Variants in GABBR2 observed in about 807,000 individuals in gnomAD.
GABBR2 encodes G-protein coupled receptor 51.
Under a neutral mutation model 105.6 loss-of-function variants are expected in GABBR2, and 23 were observed. The observed-to-expected ratio is 0.22, with a 90% CI of 0.16 to 0.31. The LOEUF (loss-of-function observed/expected upper bound fraction) is 0.31, where lower values mean the gene tolerates loss of function less well. Ranked by LOEUF, GABBR2 falls within the 10% of genes least tolerant of loss-of-function variation. The pLI is 1.00. For synonymous variants in GABBR2, 478 were observed against 499.7 expected (o/e 0.96, Z 0.58); for missense variants, 734 against 1,245.5 (o/e 0.59, Z 6.18).
chr9:98,344,421 A>G (rs1014667680), intron 13 of GABBR2, among the ~76,000 whole-genome samples: 3 of 152,226 alleles, frequency 2.0e-5, no homozygotes, highest in Non-Finnish European at 2.9e-5. Flanking sequence ...AAATGCAGAA[A>G]CAGCCAATCT....
chr9:98,380,543 C>T (rs1831954495), intron 11 of GABBR2, among the ~76,000 whole-genome samples: 1 of 152,268 alleles, frequency 6.6e-6, no homozygotes, highest in Non-Finnish European at 1.5e-5. Context: ...GCCCTGGCCA[C>T]GCCCAGCACT....
chr9:98,666,522 G>A (rs1483894067), intron 1 of GABBR2, among the ~76,000 whole-genome samples: 1 of 152,222 alleles, frequency 6.6e-6, no homozygotes, highest in Non-Finnish European at 1.5e-5. Flanking sequence ...CACTTGAAAT[G>A]TGGTTAGTAT....
rs75545181 is a variant in GABBR2 at position 98,691,197 on chromosome 9, T to C, written c.321+17220A>G. On this transcript the variant is annotated intron_variant, in intron 1 of 18. Transcript: ENST00000259455. ...TGATGTCAAACAAGGATGGGTCCCA[T>C]TCCCATTCAGTGTTATCAGGCATCC... 8.7e-3 allele frequency among the ~76,000 whole-genome samples: 1,327 copies of C among 152,288 alleles called. 17 individuals are homozygous for C. The highest frequency in any genetic ancestry group is 0.03 in the African/African-American group (1,252 of 41,562).
chr9:98,676,634 A>G (rs1323002016), intron 1 of GABBR2, among the ~76,000 whole-genome samples: 1 of 152,182 alleles, frequency 6.6e-6, no homozygotes, highest in East Asian at 1.9e-4. Flanking sequence ...CTAAAACACA[A>G]ATGTGGCAGG....
At chr9:98,565,200 A>T (rs1564116061) in intron 2 of GABBR2, among the ~76,000 whole-genome samples, 1 of 152,200 alleles carries the variant, frequency 6.6e-6, no homozygotes, top group Non-Finnish European at 1.5e-5. Flanking sequence ...CTACACCTGG[A>T]AAGCTCTGGC....
At chr9:98,701,618 C>T (rs1262250177) in intron 1 of GABBR2, among the ~76,000 whole-genome samples, 12 of 152,134 alleles carry the variant, frequency 7.9e-5, no homozygotes, top group Non-Finnish European at 2.9e-5. Context: ...GCTCATTAAG[C>T]TCCATAAGGC....
intron 13 of GABBR2, among the ~76,000 whole-genome samples, chr9:98,345,879 C>A (rs961432015): frequency 2.6e-5 from 4 of 152,218 alleles, no homozygotes; most frequent in African/African-American, 9.7e-5. Context: ...GTGAGCCACA[C>A]AAATTTTTGG....
At chr9:98,590,728 A>G (rs1452298728) in intron 1 of GABBR2, among the ~76,000 whole-genome samples, 5 of 152,178 alleles carry the variant, frequency 3.3e-5, no homozygotes, top group Non-Finnish European at 7.3e-5. Context: ...ACTCCTTTCC[A>G]TTCCACATTT....
At position 98,708,450 on chromosome 9, in the gene GABBR2, G is replaced by T; in HGVS notation, c.288C>A (p.Pro96=). Residue 96 remains proline, a synonymous_variant, in exon 1 of 19, where the codon CCC becomes CCA. Coordinates refer to ENST00000259455, the MANE Select transcript of GABBR2 (RefSeq NM_005458.8). ...CATAGAGCCGCAGGTCGAGGAAGTA[G>T]GGGCGCAGGAGTGACTCGTTGCGGA... ...EQIRNESLLR[P]YFLDLRLYDT... 6.4e-7 allele frequency: 1 copy of T among 1,553,082 alleles called. No homozygotes were observed.
intron 1 of GABBR2, among the ~76,000 whole-genome samples, chr9:98,587,880 CAAAT>C (rs1308287861): frequency 1.3e-5 from 2 of 152,048 alleles, no homozygotes; most frequent in Non-Finnish European, 2.9e-5. Context: ...CTGTTATATG[CAAAT>C]AAATAAAATT....
rs1826289557 is a variant in GABBR2 at position 98,454,388 on chromosome 9, C to A, written c.1000-171G>T. On this transcript the variant is annotated intron_variant, in intron 6 of 18. Transcript: ENST00000259455. The surrounding 1 kb of genome is among the most constrained non-coding windows in gnomAD (Gnocchi z 4.6). ...TCACAACAACCTCATAAGGTGGGTA[C>A]TGTTATTGTCCCCATTTTACAGACC... Among the ~76,000 whole-genome samples the A allele has an allele frequency of 6.6e-6, 1 of 152,122 alleles. No individual in the cohort carries two copies. Among genetic ancestry groups the A allele is most frequent in the African/African-American group, 2.4e-5 (1 of 41,418 alleles).
chr9:98,686,303 T>A (rs1588283271), intron 1 of GABBR2, among the ~76,000 whole-genome samples: 1 of 152,214 alleles, frequency 6.6e-6, no homozygotes, highest in African/African-American at 2.4e-5. Flanking sequence ...GGCTCGCCAC[T>A]GGTCCACGCT....
intron 3 of GABBR2, among the ~76,000 whole-genome samples, chr9:98,536,453 C>T (rs918210069): frequency 2.6e-5 from 4 of 152,120 alleles, no homozygotes; most frequent in Admixed American, 2.0e-4. Context: ...GTTGGGTAGA[C>T]CATAAGACTT....
rs116446699 is a variant in GABBR2 at position 98,302,470 on chromosome 9, A to G, written c.2412+771T>C. On this transcript the variant is annotated intron_variant, in intron 16 of 18. Coordinates refer to ENST00000259455, the MANE Select transcript of GABBR2 (RefSeq NM_005458.8). Reference sequence around the variant, plus strand: ...AACCGGGCCCTCTCTTTTCACGGCCATTAGGTAAAAGGGAAATAAACATAT... The same window carrying G: ...AACCGGGCCCTCTCTTTTCACGGCCGTTAGGTAAAAGGGAAATAAACATAT... Among the ~76,000 whole-genome samples the G allele has an allele frequency of 6.4e-3, 976 of 152,326 alleles. 7 individuals are homozygous for G. Among genetic ancestry groups the G allele is most frequent in the African/African-American group, 0.019 (803 of 41,576 alleles).
At chr9:98,477,791 T>C (rs1044105219) in intron 5 of GABBR2, among the ~76,000 whole-genome samples, 1 of 152,206 alleles carries the variant, frequency 6.6e-6, no homozygotes, top group African/African-American at 2.4e-5. Flanking sequence ...TTTACAACAA[T>C]AATAGTAATA....
intron 13 of GABBR2, among the ~76,000 whole-genome samples, chr9:98,321,233 T>G (rs750201672): frequency 6.6e-6 from 1 of 152,110 alleles, no homozygotes; most frequent in Non-Finnish European, 1.5e-5. Context: ...GGTCACCCGA[T>G]TTTTGTTGAA....
intron 3 of GABBR2, among the ~76,000 whole-genome samples, chr9:98,508,622 C>T (rs866171162): frequency 3.3e-5 from 5 of 152,214 alleles, no homozygotes; most frequent in Middle Eastern, 3.2e-3. Flanking sequence ...TTATATCCCG[C>T]GCATGGCTCG....
At chr9:98,431,175 C>G (rs1222170384) in intron 7 of GABBR2, among the ~76,000 whole-genome samples, 2 of 152,102 alleles carry the variant, frequency 1.3e-5, no homozygotes, top group Non-Finnish European at 2.9e-5. Context: ...GTGGCCTTCT[C>G]TGGCCAGCCT....
At chr9:98,669,124 T>C (rs1830375329) in intron 1 of GABBR2, among the ~76,000 whole-genome samples, 1 of 152,240 alleles carries the variant, frequency 6.6e-6, no homozygotes, top group African/African-American at 2.4e-5. Flanking sequence ...AACTGCCATA[T>C]TGTTTTCCAT....
Sources: gnomAD v4.1 joint callset for allele counts (sites outside exome capture counted in the v4.1 genomes callset) on GRCh38, gnomAD v4.1.1 for gene constraint, Gnocchi (gnomAD v3.1) non-coding constraint, MANE v1.5 for transcripts, NCBI Gene and HGNC (gene_info 2026-07-23, HGNC 2026-07-21) for gene names.